The following BOC variants were observed in gnomAD, a reference collection of about 807,000 sequenced individuals.
The protein encoded by BOC is BOC cell adhesion associated, oncogene regulated.
BOC carries 76 observed loss-of-function variants against 112.0 expected under a neutral mutation model. The ratio of observed to expected loss-of-function variants is 0.68; its 90% CI spans 0.56 to 0.82. BOC has a LOEUF of 0.82. BOC is among the 40% of genes least tolerant of loss of function. The probability of loss-of-function intolerance (pLI) is 0.00; values close to 1 mark genes in which losing one functional copy is unlikely to be tolerated. For missense variants in BOC, 1,309 were observed against 1,511.7 expected, an observed-to-expected ratio of 0.87 and a Z score of 2.22; for synonymous variants, 580 against 599.8, an observed-to-expected ratio of 0.97 and a Z score of 0.48.
chr3:113,236,264 G>GTATATATACCCA (rs1559821292), intron 2 of BOC, among the ~76,000 whole-genome samples: 22 of 25,508 alleles, frequency 8.6e-4, no homozygotes, highest in Non-Finnish European at 1.1e-3. Context: ...GTGTGTGTGT[G>GTATATATACCCA]TGTATATATA....
chr3:113,220,782 T>C (rs545999481), intron 2 of BOC, among the ~76,000 whole-genome samples: 1 of 152,110 alleles, frequency 6.6e-6, no homozygotes, highest in Non-Finnish European at 1.5e-5. Context: ...TCGGGCAATG[T>C]AGGGTCTCAG....
chr3:113,251,180 A>G, intron 4 of BOC: 1 of 523,100 alleles, frequency 1.9e-6, no homozygotes, highest in Non-Finnish European at 3.4e-6. Flanking sequence ...CTGTAGGTGC[A>G]CTGTCCCAAC....
intron 1 of BOC, chr3:113,212,677 G>C (rs1938437279): frequency 6.6e-6 from 1 of 152,512 alleles, no homozygotes; most frequent in African/African-American, 2.4e-5. Context: ...TGAGGGGCTG[G>C]GGCAAAGGTG....
chr3:113,278,702 A>G lies in BOC; in HGVS notation c.1735A>G (p.Ser579Gly). Reference sequence around the variant, plus strand: ...GCGGCCCAAACCCGAGATCATGGCCAGCAAAGAGCAGCAGATCCAGAGAGA... The same window carrying G: ...GCGGCCCAAACCCGAGATCATGGCCGGCAAAGAGCAGCAGATCCAGAGAGA... ...GRRPKPEIMA[S>G]KEQQIQRDDP... The change falls in exon 11 of 20, where the codon AGC (serine) becomes GGC (glycine). Residue 579 changes from serine (S) to glycine (G), a missense_variant. By Grantham distance (56) the Ser-to-Gly change is moderately conservative (BLOSUM62 0). Coordinates refer to ENST00000682979, the MANE Select transcript of BOC (RefSeq NM_001378074.1). This position sits in a 1 kb window ranked among gnomAD's most constrained non-coding sequence, Gnocchi z 4.2. 1.3e-6 allele frequency: 2 copies of G among 1,570,872 alleles called. No homozygotes were observed. The highest frequency in any genetic ancestry group is 4.7e-5 in the East Asian group (2 of 42,434).
At chr3:113,261,454 C>T (rs1273237696) in intron 4 of BOC, among the ~76,000 whole-genome samples, 1 of 152,088 alleles carries the variant, frequency 6.6e-6, no homozygotes, top group African/African-American at 2.4e-5. Context: ...AAAGAAACTC[C>T]CCAGTTCTGC....
At chr3:113,258,709 C>G (rs1237185001) in intron 4 of BOC, among the ~76,000 whole-genome samples, 1 of 152,210 alleles carries the variant, frequency 6.6e-6, no homozygotes, top group East Asian at 1.9e-4. Context: ...GCAGCTGGGG[C>G]AGAGTGTGAG....
Position 113,274,428 on chromosome 3 carries a change from G to C in BOC, c.1288G>C (p.Val430Leu). ...DAELATGTPPVSPSKLGNPEQ... is the reference protein window; with the variant it reads ...DAELATGTPPLSPSKLGNPEQ... The stretch of plus-strand genomic sequence containing the variant: ...TGAGCTGGCTACTGGCACACCTCCT[G>C]TATCACCCTCCAAACTCGGCAACCC... The change falls in exon 9 of 20, where the codon GTA becomes CTA. Residue 430 changes from valine (V) to leucine (L), a missense_variant. By Grantham distance (32) the Val-to-Leu change is conservative (BLOSUM62 1). Coordinates refer to ENST00000682979, the MANE Select transcript of BOC (RefSeq NM_001378074.1). The surrounding 1 kb of genome is among the most constrained non-coding windows in gnomAD (Gnocchi z 4.8). 2 of 1,594,922 alleles carry C rather than the reference G, an allele frequency of 1.3e-6. No individual in the cohort carries two copies. The highest frequency in any genetic ancestry group is 1.7e-6 in the Non-Finnish European group (2 of 1,167,274).
At chr3:113,248,948 A>G (rs1945276035) in intron 2 of BOC, among the ~76,000 whole-genome samples, 1 of 152,144 alleles carries the variant, frequency 6.6e-6, no homozygotes, top group African/African-American at 2.4e-5. Context: ...AAAATTTTCT[A>G]GCACCGGGAG....
rs779887240 is a variant in BOC at position 113,283,580 on chromosome 3, C to T, written c.2604C>T (p.Leu868=). ...IVGVVLGSIV[L]IIVTFIPFCL... is the part of the protein sequence containing the mutation. Reference sequence around the variant, plus strand: ...GGGTCGTCCTGGGCTCCATCGTTCTCATCATCGTCACCTTCATCCCCTTCT... The same window carrying T: ...GGGTCGTCCTGGGCTCCATCGTTCTTATCATCGTCACCTTCATCCCCTTCT... The change falls in exon 16 of 20, where the codon CTC becomes CTT. Residue 868 remains leucine (L), a synonymous_variant. Coordinates refer to ENST00000682979, the MANE Select transcript of BOC (RefSeq NM_001378074.1). The T allele has an allele frequency of 2.5e-6, 4 of 1,613,842 alleles. No homozygotes were observed. In the South Asian group the frequency reaches 3.3e-5, roughly 13 times the overall value.
intron 2 of BOC, among the ~76,000 whole-genome samples, chr3:113,238,670 G>A (rs1430650219): frequency 6.6e-6 from 1 of 152,230 alleles, no homozygotes; most frequent in African/African-American, 2.4e-5. Flanking sequence ...GGATCAGGCA[G>A]ACCTGGTTCA....
intron 2 of BOC, among the ~76,000 whole-genome samples, chr3:113,245,046 C>T (rs113917539): frequency 6.6e-6 from 1 of 152,232 alleles, no homozygotes; most frequent in Non-Finnish European, 1.5e-5. Context: ...TCAGCCTTGA[C>T]ACATTATTCA....
At chr3:113,268,260 C>T (rs751753927) in intron 4 of BOC, 39 bp from the exon 5 acceptor site, 2 of 1,611,700 alleles carry the variant, frequency 1.2e-6, no homozygotes, top group East Asian at 4.5e-5. Context: ...CACTTTTGCT[C>T]TGCTGTCCTC....
rs1948917241 is a variant in BOC at position 113,278,861 on chromosome 3, G to A, written c.1816+78G>A. The A allele has an allele frequency of 2.4e-6, 3 of 1,270,636 alleles. No individual in the cohort carries two copies. Among genetic ancestry groups the A allele is most frequent in the Non-Finnish European group, 3.3e-6 (3 of 900,462 alleles). 78.7% of individuals were successfully genotyped at this position (1,270,636 alleles called of 1,614,324 possible). A position where few individuals can be genotyped will look rare whatever the true frequency, so the allele number is the denominator to read the frequency against. On this transcript the variant is annotated intron_variant, in intron 11 of 19. Coordinates refer to ENST00000682979, the MANE Select transcript of BOC (RefSeq NM_001378074.1). This position sits in a 1 kb window ranked among gnomAD's most constrained non-coding sequence, Gnocchi z 4.2. Reference sequence around the variant, plus strand: ...GAGGCCTGTTCCCATGGCTGAATGGGGTCTTGCTTCTGTAGGTCCAGGGTT... The same window carrying A: ...GAGGCCTGTTCCCATGGCTGAATGGAGTCTTGCTTCTGTAGGTCCAGGGTT...
chr3:113,245,153 T>A (rs1444302926), intron 2 of BOC, among the ~76,000 whole-genome samples: 4 of 152,266 alleles, frequency 2.6e-5, no homozygotes, highest in African/African-American at 9.6e-5. Context: ...AAAAATTTTT[T>A]AAATTAGGTC....
intron 2 of BOC, among the ~76,000 whole-genome samples, chr3:113,242,951 A>G (rs924068782): frequency 6.6e-6 from 1 of 152,188 alleles, no homozygotes; most frequent in Non-Finnish European, 1.5e-5. Flanking sequence ...AAAGAAATTC[A>G]GCTTTGCTAA....
intron 2 of BOC, among the ~76,000 whole-genome samples, chr3:113,224,076 G>GT (rs2107642607): frequency 6.6e-6 from 1 of 152,350 alleles, no homozygotes; most frequent in East Asian, 1.9e-4. Context: ...CTCCTCGATA[G>GT]TTTGTTTTAC....
intron 2 of BOC, among the ~76,000 whole-genome samples, chr3:113,216,910 ATATGGGTAGGGTGGGT>A (rs1163856391): frequency 3.3e-5 from 5 of 152,114 alleles, no homozygotes; most frequent in African/African-American, 1.2e-4. Flanking sequence ...AAAGTGCATA[ATATGGGTAGGGTGGGT>A]AGGGTTGAAG....
At position 113,278,012 on chromosome 3, in the gene BOC, T is replaced by G; in HGVS notation, c.1543-83T>G. ...TTCCCCTTCTCCTGCCCTCTTGGGCTCAGCGCTGCTTTCTTTGTAAACCAT... is the reference window on the plus strand; with the variant it reads ...TTCCCCTTCTCCTGCCCTCTTGGGCGCAGCGCTGCTTTCTTTGTAAACCAT... On this transcript the variant is annotated intron_variant, in intron 9 of 19. Coordinates refer to ENST00000682979, the MANE Select transcript of BOC (RefSeq NM_001378074.1). This position sits in a 1 kb window ranked among gnomAD's most constrained non-coding sequence, Gnocchi z 4.2. The G allele has an allele frequency of 3.3e-6, 5 of 1,532,222 alleles. No homozygotes were observed. The South Asian group carries it at 6.1e-5, about 19-fold the overall frequency. The allele number at this position is 1,532,222 out of a possible 1,614,324, so 94.9% of individuals were successfully genotyped here.
intron 4 of BOC, 57 bp downstream of exon 4, chr3:113,250,890 C>G (rs764298530): frequency 5.0e-6 from 8 of 1,589,206 alleles, no homozygotes; most frequent in Middle Eastern, 3.3e-4. Context: ...TCTCTCCCAC[C>G]CTGAAGCCCC....
Sources: gnomAD v4.1 joint callset for allele counts (sites outside exome capture counted in the v4.1 genomes callset) on GRCh38, gnomAD v4.1.1 for gene constraint, Gnocchi (gnomAD v3.1) non-coding constraint, MANE v1.5 for transcripts, NCBI Gene and HGNC (gene_info 2026-07-23, HGNC 2026-07-21) for gene names.